The following PTPRH variants were observed in gnomAD, a reference collection of about 807,000 sequenced individuals.
PTPRH encodes the protein protein tyrosine phosphatase receptor type H.
PTPRH carries 113 observed loss-of-function variants against 130.2 expected under a neutral mutation model. That is an observed-to-expected ratio of 0.87 (90% CI 0.75 to 1.01). The LOEUF is 1.01. Ranked by LOEUF, PTPRH falls within the 50% of genes least tolerant of loss-of-function variation. The pLI is 0.00. For synonymous variants in PTPRH, 556 were observed against 577.9 expected (o/e 0.96, Z 0.54); for missense variants, 1,430 against 1,425.0 (o/e 1.00, Z -0.06).
chr19:55,196,851 C>T lies in PTPRH; in HGVS notation c.1991-63G>A, dbSNP rs565270093. ...AGGTGGCTTTCCACCCCCTCCACCC[C>T]TACCCCCAGTTTTCTGAGACGAGCC... On this transcript the variant is annotated intron_variant, in intron 9 of 19. Transcript: ENST00000376350. 1.8e-3 allele frequency: 2,848 copies of T among 1,558,524 alleles called. 5 individuals are homozygous for T. The highest frequency in any genetic ancestry group is 2.1e-3 in the Non-Finnish European group (2,459 of 1,147,738).
At chr19:55,199,381 G>A (rs921098471) in intron 7 of PTPRH, among the ~76,000 whole-genome samples, 1 of 152,146 alleles carries the variant, frequency 6.6e-6, no homozygotes, top group African/African-American at 2.4e-5. Flanking sequence ...GGCCAAGGTG[G>A]GTGACTTGAG....
intron 6 of PTPRH, among the ~76,000 whole-genome samples, chr19:55,200,860 G>A (rs942526935): frequency 6.6e-6 from 1 of 151,772 alleles, no homozygotes; most frequent in Non-Finnish European, 1.5e-5. Flanking sequence ...GGAGAATGGC[G>A]TGAACCCGGG....
At chr19:55,187,332 G>C (rs1167288992) in intron 14 of PTPRH, among the ~76,000 whole-genome samples, 181 bp downstream of exon 14, 2 of 96,186 alleles carry the variant, frequency 2.1e-5, no homozygotes, top group Admixed American at 1.4e-4. Flanking sequence ...GTGACAGAGC[G>C]AGACTCCGTC....
chr19:55,193,875 T>G, intron 10 of PTPRH: 1 of 183,590 alleles, frequency 5.4e-6, no homozygotes, highest in Non-Finnish European at 1.2e-5. Context: ...TGAGACGGAG[T>G]TTTGCTCTTC....
At chr19:55,187,249 G>T (rs1344153725) in intron 14 of PTPRH, among the ~76,000 whole-genome samples, 1 of 144,832 alleles carries the variant, frequency 6.9e-6, no homozygotes, top group Non-Finnish European at 1.5e-5. Flanking sequence ...GGAGGCTGAG[G>T]CAGGAGAATG....
intron 10 of PTPRH, chr19:55,194,343 A>G (rs2147472781): frequency 7.9e-7 from 1 of 1,265,406 alleles, no homozygotes; most frequent in Non-Finnish European, 1.0e-6. Context: ...GGGTCTTACA[A>G]CCTGTACGGG....
chr19:55,197,484 C>A, intron 8 of PTPRH, 68 bp from the exon 9 acceptor site: 1 of 1,433,056 alleles, frequency 7.0e-7, no homozygotes. Context: ...CTGTCTGCCT[C>A]TCCCCCACAG....
chr19:55,186,256 A>T lies in PTPRH; in HGVS notation c.2747T>A (p.Val916Asp), dbSNP rs2086321733. ...LVWEQQSHTLVMLTNCMEAGR... is the reference protein window; with the variant it reads ...LVWEQQSHTLDMLTNCMEAGR... ...GGCCTCCATGCAGTTGGTCAGCATG[A>T]CCAGGGTGTGGCTCTGCTGTTCCCA... Residue 916 changes from valine to aspartate, a missense_variant, in exon 16 of 20, where the codon GTC (valine) becomes GAC (aspartate). Coordinates refer to ENST00000376350, the MANE Select transcript of PTPRH (RefSeq NM_002842.5). The T allele has an allele frequency of 6.2e-7, 1 of 1,613,054 alleles. No individual in the cohort carries two copies. The highest frequency in any genetic ancestry group is 1.7e-5 in the Admixed American group (1 of 59,958).
rs987336751 is a variant in PTPRH, at chr19:55,197,206, G to A, written c.1901C>T (p.Ala634Val). The A allele has an allele frequency of 2.5e-6, 4 of 1,614,122 alleles. No individual in the cohort carries two copies. Among genetic ancestry groups the A allele is most frequent in the Admixed American group, 3.3e-5 (2 of 60,004 alleles). Residue 634 changes from alanine (A) to valine (V), a missense_variant, in exon 9 of 20, where the codon GCC becomes GTC. Ala to Val is a moderately conservative substitution (Grantham distance 64). Transcript: ENST00000376350. ...RTNETWYKVE[A>V]LEPGTLYNFT... The stretch of plus-strand genomic sequence containing the variant: ...ATTGTACAACGTCCCGGGTTCCAGG[G>A]CCTCCACTTTGTACCACGTCTCATT...
At chr19:55,198,566 A>C in intron 8 of PTPRH, 77 bp downstream of exon 8, 2 of 1,429,018 alleles carry the variant, frequency 1.4e-6, no homozygotes, top group Non-Finnish European at 1.9e-6. Context: ...TCATCTCCCA[A>C]GGAGCTCCCA....
rs911530500 is a variant in PTPRH at position 55,197,154 on chromosome 19, G to A, written c.1953C>T (p.Asp651=). 13 of 1,614,124 alleles carry A rather than the reference G, an allele frequency of 8.1e-6. No homozygotes were observed. The highest frequency in any genetic ancestry group is 5.5e-5 in the South Asian group (5 of 91,094). The part of the protein sequence containing the change: ...YNFTVWAERN[D]VASSTQSLCA... ...AGAGGCTCTGCGTGGAACTGGCTAC[G>A]TCATTCCTCTCTGCCCACACGGTGA... The change falls in exon 9 of 20, where the codon GAC becomes GAT. Residue 651 remains aspartate, a synonymous_variant. Coordinates refer to ENST00000376350, the MANE Select transcript of PTPRH (RefSeq NM_002842.5).
At chr19:55,199,394 C>T (rs1381553624) in intron 7 of PTPRH, among the ~76,000 whole-genome samples, 1 of 152,086 alleles carries the variant, frequency 6.6e-6, no homozygotes, top group Non-Finnish European at 1.5e-5. Context: ...GACTTGAGGC[C>T]AGGAGTTCAA....
rs1260818309 is a variant in PTPRH at position 55,191,650 on chromosome 19, TG to T, written c.2336+12del. ...CCCACCCTCCAGGCGGTCAGCCCTG[TG>T]CTGAGTCTCACCTCCTCTTCAGGAA... On this transcript the variant is annotated intron_variant, in intron 11 of 19. Coordinates refer to ENST00000376350, the MANE Select transcript of PTPRH (RefSeq NM_002842.5). The T allele has an allele frequency of 6.2e-7, 1 of 1,613,474 alleles. No individual in the cohort carries two copies. The highest frequency in any genetic ancestry group is 8.5e-7 in the Non-Finnish European group (1 of 1,179,524).
At chr19:55,187,657 C>T (rs373539815) in intron 13 of PTPRH, 54 bp from the exon 14 acceptor site, 7 of 1,380,822 alleles carry the variant, frequency 5.1e-6, no homozygotes, top group African/African-American at 2.9e-5. Context: ...TACTTTCCCT[C>T]GGGGGTACCC....
intron 12 of PTPRH, 80 bp downstream of exon 12, chr19:55,191,421 T>C: frequency 6.5e-7 from 1 of 1,528,288 alleles, no homozygotes; most frequent in Non-Finnish European, 9.1e-7. Context: ...TGATCCACCC[T>C]CTGACCTAGC....
At chr19:55,194,361 G>A in intron 10 of PTPRH, 1 of 1,224,246 alleles carries the variant, frequency 8.2e-7, no homozygotes, top group Non-Finnish European at 1.0e-6. Flanking sequence ...GGGAGACTTG[G>A]CCTCACAGAA....
At chr19:55,200,162 G>C in intron 7 of PTPRH, 74 bp downstream of exon 7, 1 of 1,542,518 alleles carries the variant, frequency 6.5e-7, no homozygotes, top group Non-Finnish European at 8.8e-7. Context: ...CCAGAGCCCA[G>C]AAGAGGTGCC....
chr19:55,204,215 G>A (rs981835772), intron 4 of PTPRH, among the ~76,000 whole-genome samples, 167 bp from the exon 5 acceptor site: 9 of 152,184 alleles, frequency 5.9e-5, no homozygotes, highest in African/African-American at 1.9e-4. Context: ...CGCCGTCCGG[G>A]TTCAAGCGAT....
chr19:55,199,304 CAAAA>C (rs1454041886), intron 7 of PTPRH, among the ~76,000 whole-genome samples: 1 of 151,946 alleles, frequency 6.6e-6, no homozygotes, highest in African/African-American at 2.4e-5. Context: ...AGGACCGTCT[CAAAA>C]GAAAGAAAGA....
Sources: allele counts gnomAD v4.1 joint callset (sites outside exome capture counted in the v4.1 genomes callset), GRCh38; gene constraint gnomAD v4.1.1; transcripts MANE v1.5; gene names NCBI Gene and HGNC (gene_info 2026-07-23, HGNC 2026-07-21).